The following TRMT61B variants were observed in gnomAD, a reference collection of about 807,000 sequenced individuals.
The protein encoded by TRMT61B is tRNA (adenine(58)-N(1))-methyltransferase, mitochondrial.
In TRMT61B, 56 loss-of-function variants were observed where a neutral mutation model predicts 52.0. That is an observed-to-expected ratio of 1.08 (90% confidence interval 0.87 to 1.35). The LOEUF is 1.35. Among genes scored for constraint, TRMT61B ranks in the 40% most tolerant of loss-of-function variants. The pLI, the probability that TRMT61B is intolerant of heterozygous loss-of-function variation, is 0.00. For missense variants in TRMT61B, 650 were observed against 577.9 expected, an observed-to-expected ratio of 1.12 and a Z score of -1.28; for synonymous variants, 206 against 220.0, an observed-to-expected ratio of 0.94 and a Z score of 0.56.
At chr2:28,867,644 A>G (rs893096300) in intron 1 of TRMT61B, among the ~76,000 whole-genome samples, 1 of 152,190 alleles carries the variant, frequency 6.6e-6, no homozygotes, top group Non-Finnish European at 1.5e-5. Context: ...AGTATACTAA[A>G]TATGCATATT....
Position 28,859,548 on chromosome 2 carries a change from T to C in TRMT61B, c.993+1570A>G, listed in dbSNP as rs539466578. On this transcript the variant is annotated intron_variant, in intron 3 of 6. Coordinates refer to ENST00000306108, the MANE Select transcript of TRMT61B (RefSeq NM_017910.4). ...ATTATAATTATTTATGAACACCAAC[T>C]ATAATTCTTTGGTCCTAACGGTATA... Among the ~76,000 whole-genome samples, 16 of 152,304 alleles carry C rather than the reference T, an allele frequency of 1.1e-4. No homozygotes were observed. The East Asian group carries it at 1.9e-3, about 18-fold the overall frequency.
At chr2:28,861,395 T>C (rs1463720904) in intron 2 of TRMT61B, 87 bp from the exon 3 acceptor site, 5 of 1,037,788 alleles carry the variant, frequency 4.8e-6, no homozygotes, top group Non-Finnish European at 6.7e-6. Flanking sequence ...GTACTACATG[T>C]ATGTGAAAAA....
At chr2:28,866,453 T>A (rs1232566134) in intron 1 of TRMT61B, among the ~76,000 whole-genome samples, 2 of 152,192 alleles carry the variant, frequency 1.3e-5, no homozygotes, top group East Asian at 3.8e-4. Context: ...CAGGCATTAG[T>A]TAGTTTCTTA....
At chr2:28,861,549 C>A in intron 2 of TRMT61B, 1 of 448,080 alleles carries the variant, frequency 2.2e-6, no homozygotes, top group Non-Finnish European at 4.0e-6. Context: ...TGCCAAGTAT[C>A]TCTCTGTGTT....
intron 5 of TRMT61B, 168 bp from the exon 6 acceptor site, chr2:28,850,573 C>A: frequency 1.8e-6 from 1 of 559,040 alleles, no homozygotes; most frequent in Non-Finnish European, 3.2e-6. Context: ...AACTATTTGT[C>A]AATGATTATG....
Position 28,858,812 on chromosome 2 carries a change from A to G in TRMT61B, c.993+2306T>C, listed in dbSNP as rs971592006. ...TCCGTCTCAAAAAAAAAAAAAAAAAAAAAAAAAGAAAAGCTCCGGATTTTT... is the reference window on the plus strand; with the variant it reads ...TCCGTCTCAAAAAAAAAAAAAAAAAGAAAAAAAGAAAAGCTCCGGATTTTT... On this transcript the variant is annotated intron_variant, in intron 3 of 6. Coordinates refer to ENST00000306108, the MANE Select transcript of TRMT61B (RefSeq NM_017910.4). Among the ~76,000 whole-genome samples the G allele has an allele frequency of 1.1e-4, 17 of 151,102 alleles. No individual in the cohort carries two copies. In the East Asian group the frequency reaches 2.0e-3, roughly 17 times the overall value.
chr2:28,864,251 C>A (rs959475497), intron 2 of TRMT61B, among the ~76,000 whole-genome samples: 1 of 152,128 alleles, frequency 6.6e-6, no homozygotes, highest in African/African-American at 2.4e-5. Context: ...CTGACAACGT[C>A]CTTCCATATT....
intron 3 of TRMT61B, among the ~76,000 whole-genome samples, chr2:28,855,569 T>C (rs1312405393): frequency 6.6e-6 from 1 of 151,792 alleles, no homozygotes; most frequent in Non-Finnish European, 1.5e-5. Flanking sequence ...ACCGAAAGAA[T>C]GGAGGTGTCA....
At chr2:28,860,045 G>C (rs965362829) in intron 3 of TRMT61B, among the ~76,000 whole-genome samples, 1 of 151,956 alleles carries the variant, frequency 6.6e-6, no homozygotes, top group African/African-American at 2.4e-5. Flanking sequence ...ACTGAGATGG[G>C]CAGATCACCT....
At chr2:28,860,269 T>G (rs2148136442) in intron 3 of TRMT61B, among the ~76,000 whole-genome samples, 1 of 34,506 alleles carries the variant, frequency 2.9e-5, no homozygotes, top group Non-Finnish European at 5.5e-5. Context: ...GAGACTCTGT[T>G]GCCAAAAAAA....
Position 28,851,215 on chromosome 2 carries a change from A to G in TRMT61B, c.1169T>C (p.Val390Ala), listed in dbSNP as rs1669080730. Reference sequence around the variant, plus strand: ...TGCAAGGCAAACCAACCAATCTCTGACAATGACCTCGCTTATCTTTTCACA... The same window carrying G: ...TGCAAGGCAAACCAACCAATCTCTGGCAATGACCTCGCTTATCTTTTCACA... ...LSCEKISEVI[V>A]RDWLVCLAKQ... Residue 390 changes from valine to alanine, a missense_variant, in exon 5 of 7, where the codon GTC (valine) becomes GCC (alanine). Coordinates refer to ENST00000306108, the MANE Select transcript of TRMT61B (RefSeq NM_017910.4). The G allele has an allele frequency of 6.2e-7, 1 of 1,613,796 alleles. No individual in the cohort carries two copies. The highest frequency in any genetic ancestry group is 8.5e-7 in the Non-Finnish European group (1 of 1,179,884).
At chr2:28,865,575 C>A (rs1171298239) in intron 1 of TRMT61B, among the ~76,000 whole-genome samples, 1 of 151,462 alleles carries the variant, frequency 6.6e-6, no homozygotes, top group Admixed American at 6.6e-5. Flanking sequence ...GAGGATTAAT[C>A]TGGCAGAAGA....
chr2:28,850,284 A>C lies in TRMT61B; in HGVS notation c.1391-42T>G. The C allele has an allele frequency of 3.1e-6, 5 of 1,602,616 alleles. No homozygotes were observed. The South Asian group carries it at 5.6e-5, about 18-fold the overall frequency. On this transcript the variant is annotated intron_variant, in intron 6 of 6. Coordinates refer to ENST00000306108, the MANE Select transcript of TRMT61B (RefSeq NM_017910.4). Reference sequence around the variant, plus strand: ...AAAACATAAAGTCATTATATTAATTAAAAGAAAAAACACCATTTAATATGT... The same window carrying C: ...AAAACATAAAGTCATTATATTAATTCAAAGAAAAAACACCATTTAATATGT...
At chr2:28,868,208 C>A (rs1390602403) in intron 1 of TRMT61B, among the ~76,000 whole-genome samples, 1 of 152,190 alleles carries the variant, frequency 6.6e-6, no homozygotes, top group Admixed American at 6.5e-5. Context: ...AACCACACCT[C>A]ATACGGGGTC....
Position 28,869,892 on chromosome 2 carries a change from T to C in TRMT61B, c.386A>G (p.Gln129Arg), listed in dbSNP as rs769016771. 6.2e-7 allele frequency: 1 copy of C among 1,614,078 alleles called. No homozygotes were observed. Among genetic ancestry groups the C allele is most frequent in the Non-Finnish European group, 8.5e-7 (1 of 1,179,982 alleles). Residue 129 changes from glutamine (Q) to arginine (R), a missense_variant, in exon 1 of 7, where the codon CAG becomes CGG. By Grantham distance (43) the Gln-to-Arg change is conservative. Transcript: ENST00000306108. ...ACGCTCTTCGACCTCGGTAGCGGAC[T>C]GGGCCTGCGAGAGCATCGAAGGATC... Reference protein sequence around the residue: ...SEDPSMLSQAQSATEVEERHV... With the variant: ...SEDPSMLSQARSATEVEERHV...
chr2:28,850,536 G>A (rs1258241912), intron 5 of TRMT61B, 131 bp from the exon 6 acceptor site: 1 of 620,524 alleles, frequency 1.6e-6, no homozygotes. Flanking sequence ...ATATGTTTTA[G>A]AGCTACTCTG....
intron 3 of TRMT61B, among the ~76,000 whole-genome samples, chr2:28,854,387 G>A (rs929229922): frequency 1.3e-5 from 2 of 151,944 alleles, no homozygotes; most frequent in Non-Finnish European, 1.5e-5. Flanking sequence ...GAGGAGGATT[G>A]CTTGAGCCAG....
chr2:28,869,888 G>C lies in TRMT61B; in HGVS notation c.390C>G (p.Ser130=), dbSNP rs778565682. 33 of 1,613,948 alleles carry C rather than the reference G, an allele frequency of 2.0e-5. No homozygotes were observed. The East Asian group carries it at 6.7e-4, about 33-fold the overall frequency. The change falls in exon 1 of 7, where the codon TCC becomes TCG. Residue 130 remains serine, a synonymous_variant. Transcript: ENST00000306108. ...CGTGACGCTCTTCGACCTCGGTAGC[G>C]GACTGGGCCTGCGAGAGCATCGAAG... ...EDPSMLSQAQ[S]ATEVEERHVS...
Position 28,850,705 on chromosome 2 carries a change from T to C in TRMT61B, c.1313-300A>G, listed in dbSNP as rs568972320. On this transcript the variant is annotated intron_variant, in intron 5 of 6. Transcript: ENST00000306108. ...TGACAAAGACCTAAACTCAGTTCTTTCAAGAATTCCAGCAGCATCTTAGAA... is the reference window on the plus strand; with the variant it reads ...TGACAAAGACCTAAACTCAGTTCTTCCAAGAATTCCAGCAGCATCTTAGAA... The C allele has an allele frequency of 6.9e-5, 22 of 319,896 alleles. No homozygotes were observed. In the South Asian group the frequency reaches 1.9e-3, roughly 27 times the overall value. The allele number at this position is 319,896 out of a possible 1,614,324, so 19.8% of individuals were successfully genotyped here.
Sources: allele counts gnomAD v4.1 joint callset (sites outside exome capture counted in the v4.1 genomes callset), GRCh38; gene constraint gnomAD v4.1.1; transcripts MANE v1.5; gene names NCBI Gene and HGNC (gene_info 2026-07-23, HGNC 2026-07-21).